MYO1B: variants seen among roughly 807,000 people sequenced by gnomAD.
The protein encoded by MYO1B is myosin IB.
MYO1B carries 72 observed loss-of-function variants against 159.7 expected under a neutral mutation model. That is an observed-to-expected ratio of 0.45 (90% CI 0.37 to 0.55). The LOEUF is 0.55. Ranked by LOEUF, MYO1B falls within the 20% of genes least tolerant of loss-of-function variation. MYO1B has a pLI of 0.00. For synonymous variants in MYO1B, 468 were observed against 473.8 expected (o/e 0.99, Z 0.16); for missense variants, 1,062 against 1,364.8 (o/e 0.78, Z 3.50).
At chr2:191,271,518 T>TAA (rs60687811) in intron 1 of MYO1B, among the ~76,000 whole-genome samples, 8 of 149,848 alleles carry the variant, frequency 5.3e-5, no homozygotes, top group African/African-American at 4.9e-5. Context: ...TATTTAAATC[T>TAA]AAAAAAAAAA....
At position 191,346,200 on chromosome 2, in the gene MYO1B, A is replaced by G. The variant is rs756997034; in HGVS notation, c.452-36A>G. The G allele has an allele frequency of 2.7e-6, 4 of 1,472,578 alleles. No individual in the cohort carries two copies. In the South Asian group the frequency reaches 5.2e-5, roughly 19 times the overall value. 91.2% of individuals were successfully genotyped at this position (1,472,578 alleles called of 1,614,324 possible). A position where few individuals can be genotyped will look rare whatever the true frequency, so the allele number is the denominator to read the frequency against. On this transcript the variant is annotated intron_variant, in intron 5 of 30. Transcript: ENST00000392318. The stretch of plus-strand genomic sequence containing the variant: ...TATCTTTCTGCTTGAGATTATTATT[A>G]TTTTTTTAACCATACATCTGTTTCT...
intron 27 of MYO1B, among the ~76,000 whole-genome samples, chr2:191,413,662 CG>C (rs1697386035): frequency 6.6e-6 from 1 of 152,074 alleles, no homozygotes; most frequent in South Asian, 2.1e-4. Flanking sequence ...TGTTTGAAGG[CG>C]TTAGTAAATC....
intron 4 of MYO1B, among the ~76,000 whole-genome samples, chr2:191,330,387 T>C (rs957446969): frequency 3.3e-5 from 5 of 152,176 alleles, no homozygotes; most frequent in Admixed American, 3.3e-4. Context: ...TTTAAGAGGG[T>C]ACAAACACAC....
intron 2 of MYO1B, among the ~76,000 whole-genome samples, chr2:191,285,446 G>A (rs912895401): frequency 4.6e-5 from 7 of 152,228 alleles, no homozygotes; most frequent in African/African-American, 1.4e-4. Flanking sequence ...GGCCACCGTC[G>A]GCAGCCACGG....
chr2:191,409,285 A>T, intron 26 of MYO1B, 107 bp downstream of exon 26: 1 of 1,272,332 alleles, frequency 7.9e-7, no homozygotes, highest in Non-Finnish European at 1.1e-6. Flanking sequence ...TGCCTCAAAG[A>T]GGATTACTTG....
chr2:191,296,357 G>A, intron 3 of MYO1B, 131 bp downstream of exon 3: 1 of 366,302 alleles, frequency 2.7e-6, no homozygotes, highest in Non-Finnish European at 4.8e-6. Context: ...TTTGATAAAA[G>A]TATGAAGACT....
intron 20 of MYO1B, among the ~76,000 whole-genome samples, chr2:191,394,512 A>T (rs1015189672): frequency 7.9e-5 from 12 of 152,260 alleles, no homozygotes; most frequent in African/African-American, 2.7e-4. Flanking sequence ...GGACAAAACA[A>T]CCTAATTCCT....
rs527798967 is a variant in MYO1B at position 191,408,300 on chromosome 2, A to G, written c.2631+111A>G. ...CTAAATGACAAAAGTGACTTTTTAA[A>G]TAATAATTAAATCATAGCTGTGACA... On this transcript the variant is annotated intron_variant, in intron 25 of 30. Coordinates refer to ENST00000392318, the MANE Select transcript of MYO1B (RefSeq NM_001130158.3). 123 of 682,262 alleles carry G rather than the reference A, an allele frequency of 1.8e-4. No homozygotes were observed. The South Asian group carries it at 2.2e-3, about 12-fold the overall frequency. The allele number at this position is 682,262 out of a possible 1,614,324, so 42.3% of individuals were successfully genotyped here.
intron 26 of MYO1B, among the ~76,000 whole-genome samples, chr2:191,410,027 A>C (rs980028623): frequency 2.6e-5 from 4 of 152,206 alleles, no homozygotes; most frequent in Non-Finnish European, 5.9e-5. Context: ...ATTGCTGATT[A>C]GCTTGATAAG....
rs549541871 is a variant in MYO1B at position 191,326,688 on chromosome 2, G to A, written c.252-3247G>A. ...GCCTGGATAGAGAAGAAAAAAATAAGTATTCAACTTAGGTTCTTTGAGTTA... is the reference window on the plus strand; with the variant it reads ...GCCTGGATAGAGAAGAAAAAAATAAATATTCAACTTAGGTTCTTTGAGTTA... On this transcript the variant is annotated intron_variant, in intron 3 of 30. Transcript: ENST00000392318. Among the ~76,000 whole-genome samples, 7 of 151,480 alleles carry A rather than the reference G, an allele frequency of 4.6e-5. No individual in the cohort carries two copies. The East Asian group carries it at 1.4e-3, about 29-fold the overall frequency.
chr2:191,289,462 G>A (rs1456946291), intron 2 of MYO1B, among the ~76,000 whole-genome samples: 3 of 152,172 alleles, frequency 2.0e-5, no homozygotes, highest in African/African-American at 7.2e-5. Flanking sequence ...TTTGGGAGTA[G>A]TTTAGTAGAA....
At chr2:191,298,350 A>T (rs2125820204) in intron 3 of MYO1B, among the ~76,000 whole-genome samples, 1 of 152,326 alleles carries the variant, frequency 6.6e-6, no homozygotes, top group East Asian at 1.9e-4. Context: ...TTATAAAGTT[A>T]TCCTGATAGT....
intron 13 of MYO1B, chr2:191,381,045 G>A (rs1695010775): frequency 3.4e-6 from 1 of 293,476 alleles, no homozygotes; most frequent in Admixed American, 4.7e-5. Flanking sequence ...CCTGGATGGG[G>A]ACAATAAGGG....
At chr2:191,387,148 T>G in intron 16 of MYO1B, 76 bp from the exon 17 acceptor site, 1 of 1,419,338 alleles carries the variant, frequency 7.0e-7, no homozygotes, top group Non-Finnish European at 9.7e-7. Context: ...GTAGATAGTC[T>G]TGGAGTATTT....
At chr2:191,276,725 A>G (rs751877887) in intron 1 of MYO1B, among the ~76,000 whole-genome samples, 162 bp from the exon 2 acceptor site, 7 of 152,220 alleles carry the variant, frequency 4.6e-5, no homozygotes, top group Non-Finnish European at 1.5e-5. Context: ...CAGCCAAGTC[A>G]GAGGCTCCTG....
At chr2:191,415,607 T>G (rs1196520004) in intron 29 of MYO1B, among the ~76,000 whole-genome samples, 2 of 152,160 alleles carry the variant, frequency 1.3e-5, no homozygotes, top group Admixed American at 6.5e-5. Flanking sequence ...TTGTTTTGTT[T>G]TTTTTTTGAA....
At chr2:191,324,002 A>G (rs940230627) in intron 3 of MYO1B, among the ~76,000 whole-genome samples, 9 of 152,150 alleles carry the variant, frequency 5.9e-5, no homozygotes, top group African/African-American at 2.2e-4. Flanking sequence ...TCTTTGTTAT[A>G]TTGGGATGGC....
chr2:191,297,415 T>C (rs1689048966), intron 3 of MYO1B, among the ~76,000 whole-genome samples: 1 of 152,212 alleles, frequency 6.6e-6, no homozygotes, highest in Non-Finnish European at 1.5e-5. Context: ...GAACTGCTGC[T>C]GAACGTGGGC....
intron 3 of MYO1B, among the ~76,000 whole-genome samples, chr2:191,325,809 G>A (rs776269095): frequency 1.3e-5 from 2 of 152,008 alleles, no homozygotes; most frequent in Non-Finnish European, 2.9e-5. Context: ...AGACAATTGT[G>A]AACATGCAAC....
Sources: allele counts gnomAD v4.1 joint callset (sites outside exome capture counted in the v4.1 genomes callset), GRCh38; gene constraint gnomAD v4.1.1; transcripts MANE v1.5; gene names NCBI Gene and HGNC (gene_info 2026-07-23, HGNC 2026-07-21).